The following ADAMTSL3 variants were observed in gnomAD, a reference collection of about 807,000 sequenced individuals.
ADAMTSL3 encodes ADAMTS-like protein 3.
Under a neutral mutation model 201.7 loss-of-function variants are expected in ADAMTSL3, and 128 were observed. That is an observed-to-expected ratio of 0.63 (90% CI 0.55 to 0.73). The LOEUF (loss-of-function observed/expected upper bound fraction) is 0.73. ADAMTSL3 is among the 30% of genes least tolerant of loss of function. The pLI, the probability that ADAMTSL3 is intolerant of heterozygous loss-of-function variation, is 0.00. For synonymous variants in ADAMTSL3, 738 were observed against 748.4 expected (o/e 0.99, Z 0.23); for missense variants, 1,990 against 2,119.6 (o/e 0.94, Z 1.20).
At chr15:83,668,841 T>A (rs1171959746) in intron 2 of ADAMTSL3, among the ~76,000 whole-genome samples, 1 of 152,218 alleles carries the variant, frequency 6.6e-6, no homozygotes, top group Non-Finnish European at 1.5e-5. Flanking sequence ...GCTCTGTGTG[T>A]CTCCCATCCT....
chr15:83,841,969 G>GCGGA (rs904017685), intron 7 of ADAMTSL3, among the ~76,000 whole-genome samples: 1 of 151,582 alleles, frequency 6.6e-6, no homozygotes, highest in Non-Finnish European at 1.5e-5. Flanking sequence ...TTGGCCGAGG[G>GCGGA]CGGACGGACG....
chr15:83,903,397 C>T (rs1490937220), intron 15 of ADAMTSL3, among the ~76,000 whole-genome samples: 3 of 152,122 alleles, frequency 2.0e-5, no homozygotes, highest in East Asian at 1.9e-4. Flanking sequence ...CACCCCCCAA[C>T]ATAAGCTCTG....
At chr15:83,891,277 A>C (rs891374308) in intron 11 of ADAMTSL3, 52 bp from the exon 12 acceptor site, 7 of 1,374,108 alleles carry the variant, frequency 5.1e-6, no homozygotes, top group Non-Finnish European at 7.3e-6. Flanking sequence ...TCAATTAATG[A>C]ATGTGTTAAT....
chr15:83,763,665 T>C (rs563766571), intron 3 of ADAMTSL3, among the ~76,000 whole-genome samples: 93 of 152,142 alleles, frequency 6.1e-4, no homozygotes, highest in African/African-American at 1.7e-3. Flanking sequence ...CCACCATGCC[T>C]GGCTAATTTT....
In ADAMTSL3 at chr15:84,038,736, A is replaced by G. The variant is rs1401050599; in HGVS notation, c.*930A>G. 1.3e-5 allele frequency: 2 copies of G among 152,418 alleles called. No homozygotes were observed. The highest frequency in any genetic ancestry group is 2.9e-5 in the Non-Finnish European group (2 of 68,030). 9.4% of individuals were successfully genotyped at this position (152,418 alleles called of 1,614,324 possible). ...ATAGTTGAAAATAATTTTTATAGTA[A>G]ATAATTGTTTTGGGCTGATTTTTCA... On this transcript the variant is annotated 3_prime_UTR_variant, in exon 30 of 30. Transcript: ENST00000286744.
At chr15:83,968,644 C>T (rs1401209294) in intron 19 of ADAMTSL3, among the ~76,000 whole-genome samples, 1 of 152,184 alleles carries the variant, frequency 6.6e-6, no homozygotes. Context: ...CCATTTGATC[C>T]AGCAATCCCA....
At chr15:83,787,537 T>C (rs897188609) in intron 4 of ADAMTSL3, among the ~76,000 whole-genome samples, 1 of 152,122 alleles carries the variant, frequency 6.6e-6, no homozygotes, top group Non-Finnish European at 1.5e-5. Context: ...TTTTCAACAA[T>C]GTACATGTAT....
chr15:83,956,244 G>A (rs550324433), intron 19 of ADAMTSL3, among the ~76,000 whole-genome samples: 1 of 152,256 alleles, frequency 6.6e-6, no homozygotes, highest in South Asian at 2.1e-4. Flanking sequence ...CTCCCTCCCT[G>A]AAGTGCACAG....
At chr15:83,707,628 C>T (rs923103821) in intron 3 of ADAMTSL3, among the ~76,000 whole-genome samples, 2 of 152,158 alleles carry the variant, frequency 1.3e-5, no homozygotes, top group African/African-American at 4.8e-5. Context: ...AAGTAACCAC[C>T]ATTCAGACTT....
Position 83,891,353 on chromosome 15 carries a change from C to T in ADAMTSL3, c.1236C>T (p.Pro412=), listed in dbSNP as rs141215018. 2.5e-6 allele frequency: 4 copies of T among 1,612,774 alleles called. No homozygotes were observed. In the South Asian group the frequency reaches 4.4e-5, roughly 18 times the overall value. The change falls in exon 12 of 30, where the codon CCC becomes CCT. Residue 412 remains proline (P), a synonymous_variant. Transcript: ENST00000286744. The part of the protein sequence containing the change: ...PSSDGFKEIM[P]YDHFQPLPRW... ...GTGATGGATTTAAAGAGATAATGCC[C>T]TATGACCACTTCCAACCTCTTCCTC...
At chr15:83,842,506 C>T (rs2064403244) in intron 7 of ADAMTSL3, among the ~76,000 whole-genome samples, 1 of 152,148 alleles carries the variant, frequency 6.6e-6, no homozygotes, top group African/African-American at 2.4e-5. Flanking sequence ...AAGAAGCAAG[C>T]CACTCCTCCT....
intron 16 of ADAMTSL3, among the ~76,000 whole-genome samples, chr15:83,913,903 G>C (rs774453586): frequency 3.3e-5 from 5 of 152,202 alleles, no homozygotes; most frequent in South Asian, 2.1e-4. Flanking sequence ...TGGTTGTATA[G>C]CCAGGTGACC....
intron 3 of ADAMTSL3, among the ~76,000 whole-genome samples, chr15:83,740,655 A>G (rs2062440284): frequency 6.6e-6 from 1 of 152,188 alleles, no homozygotes. Context: ...AACGGCCACA[A>G]AACCACAGTA....
chr15:83,870,239 A>G (rs546828207), intron 8 of ADAMTSL3, among the ~76,000 whole-genome samples: 1 of 152,294 alleles, frequency 6.6e-6, no homozygotes, highest in East Asian at 1.9e-4. Flanking sequence ...ATATGCACAT[A>G]TTGTACCAGT....
chr15:83,719,909 C>G (rs1380062371), intron 3 of ADAMTSL3, among the ~76,000 whole-genome samples: 1 of 152,092 alleles, frequency 6.6e-6, no homozygotes, highest in African/African-American at 2.4e-5. Flanking sequence ...AATTTCATAC[C>G]TAGGTCTTTT....
rs2063632180 is a variant in ADAMTSL3 at position 83,808,180 on chromosome 15, G to A, written c.363+3485G>A. On this transcript the variant is annotated intron_variant, in intron 5 of 29. Transcript: ENST00000286744. ...AGCTTACGTACATCGAAGGAAACAA[G>A]AGTAAAGAGATAACCTGAAGAATGG... Among the ~76,000 whole-genome samples the A allele has an allele frequency of 2.6e-5, 4 of 152,202 alleles. No individual in the cohort carries two copies. In the Middle Eastern group the frequency reaches 0.014, roughly 518 times the overall value.
intron 9 of ADAMTSL3, among the ~76,000 whole-genome samples, chr15:83,880,031 A>G (rs977156489): frequency 1.3e-5 from 2 of 152,044 alleles, no homozygotes; most frequent in African/African-American, 2.4e-5. Flanking sequence ...GTTCCTTAGA[A>G]AGTAATTTGT....
intron 2 of ADAMTSL3, among the ~76,000 whole-genome samples, chr15:83,688,317 C>T (rs772526653): frequency 3.3e-5 from 5 of 152,150 alleles, no homozygotes; most frequent in Non-Finnish European, 5.9e-5. Context: ...TTCAACCAAA[C>T]GTTATGAGGC....
rs776432973 is a variant in ADAMTSL3, at chr15:83,983,194, C to T, written c.3566C>T (p.Ser1189Leu). 2.5e-6 allele frequency: 4 copies of T among 1,613,956 alleles called. No individual in the cohort carries two copies. In the Admixed American group the frequency reaches 6.7e-5, roughly 27 times the overall value. The change falls in exon 21 of 30, where the codon TCA (serine) becomes TTA (leucine). Residue 1189 changes from serine to leucine, a missense_variant. Ser to Leu is a moderately radical substitution (Grantham distance 145). Transcript: ENST00000286744. ...AGGCAAAGCCAACCTCCCTCAATTT[C>T]ATTTAATAAAACAATAAATTCCAGG... ...LMRQSQPPSISFNKTINSRIG... is the reference protein window; with the variant it reads ...LMRQSQPPSILFNKTINSRIG...
Sources: gnomAD v4.1 joint callset for allele counts (sites outside exome capture counted in the v4.1 genomes callset) on GRCh38, gnomAD v4.1.1 for gene constraint, MANE v1.5 for transcripts, NCBI Gene and HGNC (gene_info 2026-07-23, HGNC 2026-07-21) for gene names.